ACBD5: variants seen among roughly 807,000 people sequenced by gnomAD.
ACBD5 encodes acyl-CoA-binding domain-containing protein 5.
A neutral mutation model predicts 71.8 loss-of-function variants in ACBD5; 40 were observed. The observed-to-expected ratio is 0.56, with a 90% CI of 0.43 to 0.72. ACBD5 has a LOEUF of 0.72. Among genes scored for constraint, ACBD5 ranks in the 30% least tolerant of loss-of-function variants. The pLI is 0.00. For missense variants in ACBD5, 559 were observed against 644.5 expected (o/e 0.87, Z 1.44); for synonymous variants, 229 against 218.6 (o/e 1.05, Z -0.42).
chr10:27,198,747 A>C (rs940760894), intron 12 of ACBD5, among the ~76,000 whole-genome samples: 2 of 152,210 alleles, frequency 1.3e-5, no homozygotes, highest in Admixed American at 1.3e-4. Flanking sequence ...AGGGTGCCTG[A>C]ACAATTAGCA....
At chr10:27,209,777 C>T (rs531088062) in intron 9 of ACBD5, among the ~76,000 whole-genome samples, 1 of 152,196 alleles carries the variant, frequency 6.6e-6, no homozygotes, top group South Asian at 2.1e-4. Flanking sequence ...GATTTTATGT[C>T]CTAGTTTTAA....
chr10:27,230,098 T>TAAAAAAAAAAAA (rs11375772), intron 4 of ACBD5, among the ~76,000 whole-genome samples: 1 of 143,974 alleles, frequency 6.9e-6, no homozygotes. Context: ...AAATTTAAGG[T>TAAAAAAAAAAAA]AAAAAAAAAA....
rs1036624562 is a variant in ACBD5, at chr10:27,195,912, T to C, written c.*1518A>G. 8 of 453,266 alleles carry C rather than the reference T, an allele frequency of 1.8e-5. No homozygotes were observed. The highest frequency in any genetic ancestry group is 1.6e-4 in the African/African-American group (8 of 49,938). 28.1% of individuals were successfully genotyped at this position (453,266 alleles called of 1,614,324 possible). ...ACATCTTGAGAATGCTTAAAAATTATTTGCTACAGGCCAGGTGCAGTGGCT... is the reference window on the plus strand; with the variant it reads ...ACATCTTGAGAATGCTTAAAAATTACTTGCTACAGGCCAGGTGCAGTGGCT... On this transcript the variant is annotated 3_prime_UTR_variant, in exon 13 of 13. Transcript: ENST00000396271.
chr10:27,185,380 C>T (rs2058632309), intron 13 of ACBD5, among the ~76,000 whole-genome samples: 1 of 152,078 alleles, frequency 6.6e-6, no homozygotes, highest in East Asian at 1.9e-4. Flanking sequence ...CACCTATAAT[C>T]CCAGCACTTT....
At chr10:27,241,406 T>C (rs1373610180), upstream of ACBD5, among the ~76,000 whole-genome samples, 1 of 152,128 alleles carries the variant, frequency 6.6e-6, no homozygotes, top group African/African-American at 2.4e-5. Context: ...CCGCAGGTCT[T>C]CGACAGTTTT....
At chr10:27,217,108 T>G (rs544260082) in intron 7 of ACBD5, among the ~76,000 whole-genome samples, 1 of 128,468 alleles carries the variant, frequency 7.8e-6, no homozygotes, top group Non-Finnish European at 1.6e-5. Flanking sequence ...ATCGCATCAC[T>G]GCACTCCACC....
chr10:27,190,903 G>A (rs1165159245), downstream of ACBD5, among the ~76,000 whole-genome samples: 1 of 152,196 alleles, frequency 6.6e-6, no homozygotes, highest in Non-Finnish European at 1.5e-5. Flanking sequence ...TCTGGCTTGA[G>A]CAGTTGGGTG....
chr10:27,200,514 A>G (rs1210120096), intron 12 of ACBD5, among the ~76,000 whole-genome samples: 4 of 151,258 alleles, frequency 2.6e-5, no homozygotes, highest in African/African-American at 7.3e-5. Flanking sequence ...GCACGATCTC[A>G]GCTCACTGCA....
At chr10:27,216,524 C>T (rs2061651241) in intron 7 of ACBD5, among the ~76,000 whole-genome samples, 1 of 152,180 alleles carries the variant, frequency 6.6e-6, no homozygotes, top group Non-Finnish European at 1.5e-5. Context: ...GATCCACCCG[C>T]CTCGGCCTCC....
chr10:27,184,053 C>T (rs2058487303), intron 13 of ACBD5, among the ~76,000 whole-genome samples: 1 of 152,070 alleles, frequency 6.6e-6, no homozygotes, highest in Non-Finnish European at 1.5e-5. Context: ...TATAGAGTGC[C>T]TTCTAGGAGC....
intron 3 of ACBD5, among the ~76,000 whole-genome samples, chr10:27,232,787 T>C (rs2064068635): frequency 6.6e-6 from 1 of 152,202 alleles, no homozygotes; most frequent in Non-Finnish European, 1.5e-5. Flanking sequence ...ATAATAATAG[T>C]TCTTTCAAAT....
rs1027660727 is a variant in ACBD5 at position 27,196,944 on chromosome 10, T to C, written c.*486A>G. The C allele has an allele frequency of 5.1e-5, 23 of 454,100 alleles. No homozygotes were observed. The Admixed American group carries it at 5.2e-4, about 10-fold the overall frequency. The allele number at this position is 454,100 out of a possible 1,614,324, so 28.1% of individuals were successfully genotyped here. On this transcript the variant is annotated 3_prime_UTR_variant, in exon 13 of 13. Coordinates refer to ENST00000396271, the MANE Select transcript of ACBD5 (RefSeq NM_145698.5). ...TCCTGTGGTTTTCTACTACATGCCA[T>C]GGCAACTCCGTGACTAAGATATAAA...
chr10:27,187,861 T>C (rs1172431424), intron 13 of ACBD5, among the ~76,000 whole-genome samples: 1 of 152,228 alleles, frequency 6.6e-6, no homozygotes. Context: ...TATTGTCATT[T>C]ATTTAAAACA....
chr10:27,239,384 G>C (rs571495733), intron 2 of ACBD5, among the ~76,000 whole-genome samples: 2 of 152,190 alleles, frequency 1.3e-5, no homozygotes, highest in East Asian at 3.9e-4. Context: ...CGTGAACAGG[G>C]TTAATATGAA....
chr10:27,185,979 C>T (rs2058709702), intron 13 of ACBD5, among the ~76,000 whole-genome samples: 1 of 152,012 alleles, frequency 6.6e-6, no homozygotes, highest in African/African-American at 2.4e-5. Flanking sequence ...ATCCCAGCTA[C>T]TCGGGAGGCT....
chr10:27,227,704 CTTTA>C (rs748616696), intron 4 of ACBD5, among the ~76,000 whole-genome samples: 1 of 151,912 alleles, frequency 6.6e-6, no homozygotes, highest in Non-Finnish European at 1.5e-5. Flanking sequence ...CAGGTTCCAT[CTTTA>C]TTTATTTATT....
At chr10:27,193,940 T>C (rs1309797842), downstream of ACBD5, among the ~76,000 whole-genome samples, 1 of 152,124 alleles carries the variant, frequency 6.6e-6, no homozygotes, top group Non-Finnish European at 1.5e-5. Flanking sequence ...AAGTTACAAG[T>C]CATAGATGGG....
chr10:27,187,957 T>C (rs150483128), intron 13 of ACBD5, among the ~76,000 whole-genome samples: 268 of 152,308 alleles, frequency 1.8e-3, no homozygotes, highest in African/African-American at 6.3e-3. Flanking sequence ...ACAAGTACAT[T>C]ATCTGTCAAC....
downstream of ACBD5, among the ~76,000 whole-genome samples, chr10:27,193,114 CGTGTGT>C (rs58983291): frequency 0.086 from 6,914 of 80,076 alleles, 452 homozygotes; most frequent in Non-Finnish European, 0.11. Flanking sequence ...TTCCTTCCTT[CGTGTGT>C]GTGTGTGTGT....
Sources: gnomAD v4.1 joint callset for allele counts (sites outside exome capture counted in the v4.1 genomes callset) on GRCh38, gnomAD v4.1.1 for gene constraint, MANE v1.5 for transcripts, NCBI Gene and HGNC (gene_info 2026-07-23, HGNC 2026-07-21) for gene names.